Variants in USP36 observed in about 807,000 individuals in gnomAD.
USP36 encodes the protein ubiquitin specific peptidase 36.
In USP36, 59 loss-of-function variants were observed where a neutral mutation model predicts 111.5. The ratio of observed to expected loss-of-function variants is 0.53; its 90% CI spans 0.43 to 0.66. USP36 has a LOEUF of 0.66. USP36 is among the 30% of genes least tolerant of loss of function. The pLI is 0.00. For synonymous variants in USP36, 628 were observed against 581.0 expected (o/e 1.08, Z -1.16); for missense variants, 1,488 against 1,468.0 (o/e 1.01, Z -0.22).
At chr17:78,794,019 C>T (rs112711505), downstream of USP36, among the ~76,000 whole-genome samples, 527 of 152,294 alleles carry the variant, frequency 3.5e-3, 4 homozygotes, top group Non-Finnish European at 3.4e-3. Flanking sequence ...ACTTGGCCTC[C>T]GAACCCAACT....
At chr17:78,789,742 C>T (rs534310839) in intron 3 of USP36, among the ~76,000 whole-genome samples, 14 of 152,364 alleles carry the variant, frequency 9.2e-5, no homozygotes, top group East Asian at 1.9e-4. Flanking sequence ...CAGCTGGCCA[C>T]GTGCCACGGT....
Position 78,827,251 on chromosome 17 carries a change from C to T in USP36, c.683G>A (p.Cys228Tyr). Residue 228 changes from cysteine to tyrosine, a missense_variant, in exon 6 of 21, where the codon TGT (cysteine) becomes TAT (tyrosine). By Grantham distance (194) the Cys-to-Tyr change is radical. Coordinates refer to ENST00000449938, the MANE Select transcript of USP36 (RefSeq NM_001385174.1). ...TGGGTGGGGAAGCACGCACTTGGCA[C>T]AGCCATTCAGGCAGGCTTTCTGCAT... Reference protein sequence around the residue: ...DAMQKACLNGCAKLDRQTQAT... With the variant: ...DAMQKACLNGYAKLDRQTQAT... The T allele has an allele frequency of 6.2e-7, 1 of 1,613,188 alleles. No individual in the cohort carries two copies.
In USP36 at chr17:78,796,850, G is replaced by C. The variant is rs941729832; in HGVS notation, c.*1050C>G. On this transcript the variant is annotated 3_prime_UTR_variant, in exon 21 of 21. Transcript: ENST00000449938. ...TCACCTTCACACTTCCCACTACTATGAGGGCATTTGTCTTTTTCCTGAAAA... is the reference window on the plus strand; with the variant it reads ...TCACCTTCACACTTCCCACTACTATCAGGGCATTTGTCTTTTTCCTGAAAA... 1 of 152,228 alleles carries C rather than the reference G, an allele frequency of 6.6e-6. No individual in the cohort carries two copies. The highest frequency in any genetic ancestry group is 1.5e-5 in the Non-Finnish European group (1 of 68,040). The allele number at this position is 152,228 out of a possible 1,614,324, so 9.4% of individuals were successfully genotyped here.
Position 78,797,840 on chromosome 17 carries a change from A to G in USP36, c.*60T>C, listed in dbSNP as rs1252681381. 6.5e-6 allele frequency: 1 copy of G among 154,830 alleles called. No homozygotes were observed. The highest frequency in any genetic ancestry group is 1.9e-4 in the East Asian group (1 of 5,250). The allele number at this position is 154,830 out of a possible 1,614,324, so 9.6% of individuals were successfully genotyped here. Reference sequence around the variant, plus strand: ...ACACAGAGAGCTCCCTCAGATCCAGACCGACAGCTCCCGGGAAGGGACGCC... The same window carrying G: ...ACACAGAGAGCTCCCTCAGATCCAGGCCGACAGCTCCCGGGAAGGGACGCC... On this transcript the variant is annotated 3_prime_UTR_variant, in exon 21 of 21. Coordinates refer to ENST00000449938, the MANE Select transcript of USP36 (RefSeq NM_001385174.1).
chr17:78,788,809 T>C (rs182869864), intron 3 of USP36, among the ~76,000 whole-genome samples: 1 of 152,184 alleles, frequency 6.6e-6, no homozygotes, highest in African/African-American at 2.4e-5. Context: ...CCTGATGTCA[T>C]TCCCCTCCAC....
Position 78,807,084 on chromosome 17 carries a change from G to A in USP36, c.1960C>T (p.Pro654Ser), listed in dbSNP as rs2093923269. Residue 654 changes from proline to serine, a missense_variant, in exon 14 of 21, where the codon CCG becomes TCG. This residue lies in a region of USP36 where 1,073 missense variants were observed against 994.1 expected (regional missense o/e 1.08). Transcript: ENST00000449938. ...NCSTAGHSKT[P>S]PSGADSKTVK... ...GTCTTAGAATCTGCTCCACTTGGCG[G>A]CGTTTTGGAGTGGCCAGCGGTGGAA... 2 of 1,614,108 alleles carry A rather than the reference G, an allele frequency of 1.2e-6. No individual in the cohort carries two copies. The highest frequency in any genetic ancestry group is 8.5e-7 in the Non-Finnish European group (1 of 1,180,044).
intron 15 of USP36, among the ~76,000 whole-genome samples, chr17:78,804,943 G>A (rs2093858508): frequency 6.6e-6 from 1 of 152,162 alleles, no homozygotes; most frequent in Non-Finnish European, 1.5e-5. Context: ...AGCAAGTGTT[G>A]AGCTGGCCTA....
rs775770890 is a variant in USP36, at chr17:78,798,886, T to C, written c.3240+22A>G. 1 of 1,613,292 alleles carries C rather than the reference T, an allele frequency of 6.2e-7. No homozygotes were observed. Among genetic ancestry groups the C allele is most frequent in the Admixed American group, 1.7e-5 (1 of 60,010 alleles). On this transcript the variant is annotated intron_variant, in intron 19 of 20. Transcript: ENST00000449938. This position sits in a 1 kb window ranked among gnomAD's most constrained non-coding sequence, Gnocchi z 5.1. ...ACGCCGCCCTGCTCCCTCAAGCCTGTGGTCAGCATCACACATCATACCTTC... is the reference window on the plus strand; with the variant it reads ...ACGCCGCCCTGCTCCCTCAAGCCTGCGGTCAGCATCACACATCATACCTTC...
chr17:78,818,677 T>G lies in USP36; in HGVS notation c.1013A>C (p.Lys338Thr). The G allele has an allele frequency of 1.9e-6, 3 of 1,613,874 alleles. No homozygotes were observed. The highest frequency in any genetic ancestry group is 2.2e-5 in the East Asian group (1 of 44,890). The stretch of plus-strand genomic sequence containing the variant: ...GTCACGAGCGCTCACCTTGGTGATC[T>G]TCCCCCCGCTGAAGTTGGCAAAGCG... ...LKRFANFSGG[K>T]ITKDVGYPEF... The change falls in exon 10 of 21, where the codon AAG becomes ACG. Residue 338 changes from lysine to threonine, a missense_variant. Lys to Thr is a moderately conservative substitution (Grantham distance 78). Around this residue, in one of 3 missense-constraint regions of USP36, gnomAD observed 196 missense variants for 264.4 expected, o/e 0.74. Coordinates refer to ENST00000449938, the MANE Select transcript of USP36 (RefSeq NM_001385174.1).
intron 2 of USP36, among the ~76,000 whole-genome samples, chr17:78,838,078 A>T (rs1290264390): frequency 6.6e-6 from 1 of 152,104 alleles, no homozygotes; most frequent in Non-Finnish European, 1.5e-5. Context: ...CCTGGGCAAC[A>T]TCGTGAGACC....
intron 1 of USP36, among the ~76,000 whole-genome samples, chr17:78,839,226 AG>A (rs1384001555): frequency 2.0e-5 from 3 of 152,248 alleles, no homozygotes; most frequent in Non-Finnish European, 4.4e-5. Context: ...AACAGTTTAC[AG>A]TGAAAACATT....
chr17:78,811,092 C>G lies in USP36; in HGVS notation c.1407+1768G>C, dbSNP rs991587130. Among the ~76,000 whole-genome samples the G allele has an allele frequency of 4.9e-5, 7 of 141,632 alleles. No homozygotes were observed. In the South Asian group the frequency reaches 6.7e-4, roughly 14 times the overall value. The allele number at this position is 141,632 out of a possible 152,430, so 92.9% of individuals were successfully genotyped here. ...GCTGCAGTGAGCTGAGATGGCGCCACTGCACTCCAGCCTCAGTGACAGAGC... is the reference window on the plus strand; with the variant it reads ...GCTGCAGTGAGCTGAGATGGCGCCAGTGCACTCCAGCCTCAGTGACAGAGC... On this transcript the variant is annotated intron_variant, in intron 13 of 20. Transcript: ENST00000449938.
chr17:78,825,260 T>C (rs1158623439), intron 6 of USP36, among the ~76,000 whole-genome samples: 1 of 152,072 alleles, frequency 6.6e-6, no homozygotes, highest in African/African-American at 2.4e-5. Flanking sequence ...ATCAGGAAGT[T>C]CCATGAAGTA....
chr17:78,803,883 G>A lies in USP36; in HGVS notation c.2312C>T (p.Thr771Met), dbSNP rs751174118. 3 of 1,611,144 alleles carry A rather than the reference G, an allele frequency of 1.9e-6. No individual in the cohort carries two copies. Among genetic ancestry groups the A allele is most frequent in the South Asian group, 2.2e-5 (2 of 90,970 alleles). Residue 771 changes from threonine to methionine, a missense_variant, in exon 16 of 21, where the codon ACG (threonine) becomes ATG (methionine). Physicochemically the swap from Thr to Met is moderately conservative, Grantham distance 81. Transcript: ENST00000449938. The surrounding 1 kb of genome is among the most constrained non-coding windows in gnomAD (Gnocchi z 4.6). ...LLSSTPKPPG[T>M]SEPRSCSSIS... The stretch of plus-strand genomic sequence containing the variant: ...GGAGGAGCAGCTCCGTGGTTCTGAC[G>A]TCCCTGGGGGCTTGGGGGTACTGGA...
intron 15 of USP36, among the ~76,000 whole-genome samples, chr17:78,804,474 C>A (rs1269821951): frequency 1.9e-4 from 23 of 122,428 alleles, no homozygotes; most frequent in African/African-American, 4.0e-4. Flanking sequence ...AAAAAAAAAA[C>A]CAAAAAAACA....
chr17:78,822,708 C>T (rs1234165317), intron 6 of USP36, among the ~76,000 whole-genome samples: 2 of 152,230 alleles, frequency 1.3e-5, no homozygotes, highest in Non-Finnish European at 1.5e-5. Flanking sequence ...TAGCTACTCA[C>T]GCTGGAAGGT....
At position 78,803,239 on chromosome 17, in the gene USP36, A is replaced by G. The variant is rs1470779520; in HGVS notation, c.2810+146T>C. The G allele has an allele frequency of 2.5e-5, 22 of 875,384 alleles. No homozygotes were observed. In the African/African-American group the frequency reaches 2.5e-4, roughly 10 times the overall value. 54.2% of individuals were successfully genotyped at this position (875,384 alleles called of 1,614,324 possible). Reference sequence around the variant, plus strand: ...GGTGTGAGCCACCACACCCAGCCAGAGGAGACATCTGATCACAAATCCACA... The same window carrying G: ...GGTGTGAGCCACCACACCCAGCCAGGGGAGACATCTGATCACAAATCCACA... On this transcript the variant is annotated intron_variant, in intron 16 of 20. Transcript: ENST00000449938. This position sits in a 1 kb window ranked among gnomAD's most constrained non-coding sequence, Gnocchi z 4.6.
chr17:78,802,920 A>G (rs1193242324), intron 16 of USP36, among the ~76,000 whole-genome samples: 1 of 152,080 alleles, frequency 6.6e-6, no homozygotes, highest in African/African-American at 2.4e-5. Context: ...ATCCACTGGT[A>G]TTTATCAGAG....
At chr17:78,800,293 G>A (rs1379564018) in intron 17 of USP36, among the ~76,000 whole-genome samples, 1 of 152,200 alleles carries the variant, frequency 6.6e-6, no homozygotes. Context: ...CCACAGGGGT[G>A]GAGGGAACGG....
Sources: allele counts gnomAD v4.1 joint callset (sites outside exome capture counted in the v4.1 genomes callset), GRCh38; gene constraint gnomAD v4.1.1; regional missense constraint gnomAD v4.1.1; non-coding constraint Gnocchi (gnomAD v3.1); transcripts MANE v1.5; gene names NCBI Gene and HGNC (gene_info 2026-07-23, HGNC 2026-07-21).